EVC2: variants seen among roughly 807,000 people sequenced by gnomAD.
EVC2 encodes the protein EvC ciliary complex subunit 2.
In EVC2, 148 loss-of-function variants were observed where a neutral mutation model predicts 149.3. The observed-to-expected ratio is 0.99, with a 90% CI of 0.87 to 1.14. The LOEUF (loss-of-function observed/expected upper bound fraction) is 1.14, where lower values mean the gene tolerates loss of function less well. Among genes scored for constraint, EVC2 ranks in the 50% most tolerant of loss-of-function variants. The pLI is 0.00. For synonymous variants in EVC2, 776 were observed against 649.9 expected (o/e 1.19, Z -2.95); for missense variants, 1,854 against 1,627.3 (o/e 1.14, Z -2.40).
chr4:5,665,462 G>T, intron 8 of EVC2, 53 bp downstream of exon 8: 2 of 1,612,784 alleles, frequency 1.2e-6, no homozygotes, highest in South Asian at 2.2e-5. Context: ...ACTGGGGGAT[G>T]AACTTCAACC....
chr4:5,593,682 C>T (rs980149438), intron 16 of EVC2, among the ~76,000 whole-genome samples: 12 of 152,212 alleles, frequency 7.9e-5, no homozygotes, highest in African/African-American at 2.4e-4. Context: ...TCTGAGGTAC[C>T]GGGATCATCT....
intron 1 of EVC2, among the ~76,000 whole-genome samples, chr4:5,702,309 C>T (rs754292901): frequency 6.6e-6 from 1 of 152,220 alleles, no homozygotes; most frequent in Non-Finnish European, 1.5e-5. Flanking sequence ...GGACACACCA[C>T]ATAGTAACAT....
rs775398856 is a variant in EVC2, at chr4:5,618,622, C to T, written c.2562G>A (p.Glu854=). The T allele has an allele frequency of 1.9e-6, 3 of 1,613,188 alleles. No homozygotes were observed. Among genetic ancestry groups the T allele is most frequent in the Non-Finnish European group, 8.5e-7 (1 of 1,179,654 alleles). The change falls in exon 15 of 22, where the codon GAG becomes GAA. Residue 854 remains glutamate (E), a synonymous_variant. Coordinates refer to ENST00000344408, the MANE Select transcript of EVC2 (RefSeq NM_147127.5). This position sits in a 1 kb window ranked among gnomAD's most constrained non-coding sequence, Gnocchi z 4.4. ...CCATCTGAGCAAAGCAGCCATGGACCTCCTGCCTCATCCTGAGCAGCTCCT... is the reference window on the plus strand; with the variant it reads ...CCATCTGAGCAAAGCAGCCATGGACTTCCTGCCTCATCCTGAGCAGCTCCT... ...SEEELLRMRQ[E]VHGCFAQMDR...
intron 19 of EVC2, 63 bp downstream of exon 19, chr4:5,574,622 G>T: frequency 1.3e-6 from 2 of 1,516,862 alleles, no homozygotes; most frequent in Non-Finnish European, 1.8e-6. Context: ...TGTGGATTCT[G>T]AGAAAAAGAT....
At chr4:5,658,030 T>C (rs1269475569) in intron 9 of EVC2, among the ~76,000 whole-genome samples, 1 of 152,162 alleles carries the variant, frequency 6.6e-6, no homozygotes, top group African/African-American at 2.4e-5. Flanking sequence ...CAAGATTCTT[T>C]AACAGAGCCC....
At chr4:5,651,958 A>C (rs942423702) in intron 9 of EVC2, among the ~76,000 whole-genome samples, 1 of 152,246 alleles carries the variant, frequency 6.6e-6, no homozygotes, top group African/African-American at 2.4e-5. Context: ...CGATCACAAA[A>C]TATCACCAAT....
At chr4:5,691,213 G>T in intron 4 of EVC2, 52 bp downstream of exon 4, 1 of 1,518,494 alleles carries the variant, frequency 6.6e-7, no homozygotes, top group Admixed American at 1.7e-5. Context: ...AAATGATCTG[G>T]GCAAAATCCA....
Position 5,636,280 on chromosome 4 carries a change from A to C in EVC2, c.1470+4234T>G, listed in dbSNP as rs74656681. 3.0e-3 allele frequency among the ~76,000 whole-genome samples: 452 copies of C among 152,328 alleles called. 1 individual carries two copies. The highest frequency in any genetic ancestry group is 0.01 in the African/African-American group (429 of 41,586). ...TCAATGGAGAAATGCTTTGAGAACT[A>C]TAAGGCATTATATACGCATTTAAAT... On this transcript the variant is annotated intron_variant, in intron 10 of 21. Transcript: ENST00000344408. The surrounding 1 kb of genome is among the most constrained non-coding windows in gnomAD (Gnocchi z 4.6).
chr4:5,546,142 G>A (rs1437894334), intron 21 of EVC2, among the ~76,000 whole-genome samples: 1 of 152,204 alleles, frequency 6.6e-6, no homozygotes, highest in Admixed American at 6.5e-5. Context: ...CAACCATTGT[G>A]GAAGTGAGTG....
In EVC2 at chr4:5,576,162, G is replaced by A. The variant is rs905839683; in HGVS notation, c.3272+78C>T. 5.6e-6 allele frequency: 9 copies of A among 1,610,992 alleles called. No individual in the cohort carries two copies. The highest frequency in any genetic ancestry group is 5.3e-5 in the African/African-American group (4 of 74,912). On this transcript the variant is annotated intron_variant, in intron 18 of 21. Transcript: ENST00000344408. This position sits in a 1 kb window ranked among gnomAD's most constrained non-coding sequence, Gnocchi z 4.5. ...GGTGAGAGCCCAGGTGGGTATGGGT[G>A]GGCTGAGTTGGAGATGCCAGGTTCT...
intron 9 of EVC2, among the ~76,000 whole-genome samples, chr4:5,660,704 T>C (rs190088475): frequency 1.0e-3 from 158 of 152,318 alleles, no homozygotes; most frequent in African/African-American, 3.4e-3. Flanking sequence ...CAAGTCTCTT[T>C]CACATCATTA....
chr4:5,637,910 T>C lies in EVC2; in HGVS notation c.1470+2604A>G, dbSNP rs1458862135. On this transcript the variant is annotated intron_variant, in intron 10 of 21. Transcript: ENST00000344408. The surrounding 1 kb of genome is among the most constrained non-coding windows in gnomAD (Gnocchi z 4.4). Reference sequence around the variant, plus strand: ...TTTAGAGTTTGTCACCTGAGGTCTCTGTTATGTATTCTTGTTTGTGTATTT... The same window carrying C: ...TTTAGAGTTTGTCACCTGAGGTCTCCGTTATGTATTCTTGTTTGTGTATTT... Among the ~76,000 whole-genome samples the C allele has an allele frequency of 6.6e-6, 1 of 152,058 alleles. No individual in the cohort carries two copies. The highest frequency in any genetic ancestry group is 1.5e-5 in the Non-Finnish European group (1 of 68,024).
intron 6 of EVC2, among the ~76,000 whole-genome samples, chr4:5,681,738 C>T (rs542671398): frequency 3.0e-4 from 45 of 152,330 alleles, no homozygotes; most frequent in Non-Finnish European, 5.9e-4. Flanking sequence ...CTCCAAGCCC[C>T]AACCCGCTGT....
At chr4:5,611,881 T>G (rs1714849214) in intron 16 of EVC2, among the ~76,000 whole-genome samples, 1 of 152,212 alleles carries the variant, frequency 6.6e-6, no homozygotes, top group South Asian at 2.1e-4. Flanking sequence ...GCTGAACTTT[T>G]GTTTCTCTGA....
At position 5,637,783 on chromosome 4, in the gene EVC2, C is replaced by A. The variant is rs1057227655; in HGVS notation, c.1470+2731G>T. Among the ~76,000 whole-genome samples the A allele has an allele frequency of 6.6e-6, 1 of 150,488 alleles. No individual in the cohort carries two copies. The highest frequency in any genetic ancestry group is 2.4e-5 in the African/African-American group (1 of 40,974). Reference sequence around the variant, plus strand: ...GGGCAGAATGAATGATCCTCTGCCACTGAGTTGTGGGATGGGCTTCTCTCT... The same window carrying A: ...GGGCAGAATGAATGATCCTCTGCCAATGAGTTGTGGGATGGGCTTCTCTCT... On this transcript the variant is annotated intron_variant, in intron 10 of 21. Coordinates refer to ENST00000344408, the MANE Select transcript of EVC2 (RefSeq NM_147127.5). This position sits in a 1 kb window ranked among gnomAD's most constrained non-coding sequence, Gnocchi z 4.4.
Position 5,681,250 on chromosome 4 carries a change from T to C in EVC2, c.870+10A>G, listed in dbSNP as rs779971622. On this transcript the variant is annotated intron_variant, in intron 7 of 21. Coordinates refer to ENST00000344408, the MANE Select transcript of EVC2 (RefSeq NM_147127.5). ...TCCTGAGGGTGCTCAGGGCATGTCATGTCTCTTACCGTTACGTTTTCTTCT... is the reference window on the plus strand; with the variant it reads ...TCCTGAGGGTGCTCAGGGCATGTCACGTCTCTTACCGTTACGTTTTCTTCT... 1.7e-5 allele frequency: 28 copies of C among 1,614,238 alleles called. No individual in the cohort carries two copies. The East Asian group carries it at 5.6e-4, about 32-fold the overall frequency.
At chr4:5,700,855 T>C (rs1721779337) in intron 1 of EVC2, among the ~76,000 whole-genome samples, 1 of 151,120 alleles carries the variant, frequency 6.6e-6, no homozygotes, top group Admixed American at 6.6e-5. Context: ...CACTTAATGA[T>C]CAGTCCTCCT....
rs781355081 is a variant in EVC2, at chr4:5,618,585, C to A, written c.2599G>T (p.Ala867Ser). ...ACTCGGGCCCGGATCTTGGGGAGGG[C>A]CAAGCTCCTGTCCATCTGAGCAAAG... ...GCFAQMDRSL[A>S]LPKIRARVLL... Residue 867 changes from alanine to serine, a missense_variant, in exon 15 of 22, where the codon GCC becomes TCC. Transcript: ENST00000344408. This position sits in a 1 kb window ranked among gnomAD's most constrained non-coding sequence, Gnocchi z 4.4. The A allele has an allele frequency of 1.2e-6, 2 of 1,613,926 alleles. No individual in the cohort carries two copies. Among genetic ancestry groups the A allele is most frequent in the Non-Finnish European group, 1.7e-6 (2 of 1,180,004 alleles).
intron 7 of EVC2, among the ~76,000 whole-genome samples, chr4:5,667,276 A>G (rs1357655177): frequency 6.6e-6 from 1 of 152,018 alleles, no homozygotes; most frequent in African/African-American, 2.4e-5. Flanking sequence ...TTTCTTGATG[A>G]GGTTTTTCAC....
Sources: allele counts gnomAD v4.1 joint callset (sites outside exome capture counted in the v4.1 genomes callset), GRCh38; gene constraint gnomAD v4.1.1; non-coding constraint Gnocchi (gnomAD v3.1); transcripts MANE v1.5; gene names NCBI Gene and HGNC (gene_info 2026-07-23, HGNC 2026-07-21).